PRKN: variants seen among roughly 807,000 people sequenced by gnomAD.
PRKN encodes the protein parkin RBR E3 ubiquitin protein ligase.
Under a neutral mutation model 59.5 loss-of-function variants are expected in PRKN, and 56 were observed. That is an observed-to-expected ratio of 0.94 (90% confidence interval 0.76 to 1.18). The LOEUF (loss-of-function observed/expected upper bound fraction) is 1.18, where lower values mean the gene tolerates loss of function less well. Among genes scored for constraint, PRKN ranks in the 50% most tolerant of loss-of-function variants. The pLI is 0.00. For synonymous variants in PRKN, 250 were observed against 222.1 expected (o/e 1.13, Z -1.12); for missense variants, 657 against 596.4 (o/e 1.10, Z -1.06).
intron 6 of PRKN, among the ~76,000 whole-genome samples, chr6:161,875,848 C>A (rs1028085555): frequency 6.6e-5 from 10 of 152,124 alleles, no homozygotes; most frequent in African/African-American, 2.4e-4. Flanking sequence ...CCTCCCCTCA[C>A]TGGCATCCCA....
intron 4 of PRKN, among the ~76,000 whole-genome samples, chr6:162,088,434 T>A (rs573294610): frequency 2.0e-5 from 3 of 152,204 alleles, no homozygotes; most frequent in Non-Finnish European, 4.4e-5. Context: ...GTCAATTTTC[T>A]AAGCTACTTG....
intron 2 of PRKN, among the ~76,000 whole-genome samples, chr6:162,435,864 T>A (rs899192183): frequency 6.6e-6 from 1 of 152,140 alleles, no homozygotes; most frequent in African/African-American, 2.4e-5. Flanking sequence ...CCTCCTTTTA[T>A]CTTATAATCA....
At chr6:162,127,325 T>C (rs1013376642) in intron 4 of PRKN, among the ~76,000 whole-genome samples, 11 of 152,184 alleles carry the variant, frequency 7.2e-5, no homozygotes, top group Non-Finnish European at 1.6e-4. Context: ...CAACTCAACT[T>C]TTGCTTTCCA....
chr6:161,970,418 T>TAC (rs1382435249), intron 6 of PRKN, among the ~76,000 whole-genome samples: 1 of 147,282 alleles, frequency 6.8e-6, no homozygotes, highest in African/African-American at 2.5e-5. Flanking sequence ...TATATATATA[T>TAC]ATACATACAC....
At chr6:162,408,268 T>C (rs6455822) in intron 2 of PRKN, among the ~76,000 whole-genome samples, 90,220 of 151,566 alleles carry the variant, frequency 0.6, 29,224 homozygotes, top group African/African-American at 0.86. Flanking sequence ...GCAAGTCTCC[T>C]CTAAAATTTC....
intron 7 of PRKN, among the ~76,000 whole-genome samples, chr6:161,785,462 G>A (rs990275423): frequency 2.6e-5 from 4 of 152,172 alleles, no homozygotes; most frequent in South Asian, 2.1e-4. Flanking sequence ...CTAGTTCCAC[G>A]GTAACAAATC....
intron 4 of PRKN, among the ~76,000 whole-genome samples, chr6:162,110,801 T>C (rs78274360): frequency 0.16 from 24,602 of 152,118 alleles, 2,418 homozygotes; most frequent in African/African-American, 0.28. Flanking sequence ...GCGTTCTGTG[T>C]TGCTGATGGG....
chr6:162,146,195 C>A (rs1782018684), intron 4 of PRKN, among the ~76,000 whole-genome samples: 1 of 152,120 alleles, frequency 6.6e-6, no homozygotes, highest in Non-Finnish European at 1.5e-5. Context: ...AGCCATCCAG[C>A]AAACATATGC....
intron 7 of PRKN, among the ~76,000 whole-genome samples, chr6:161,679,797 C>T (rs1412691151): frequency 1.5e-5 from 2 of 129,206 alleles, no homozygotes; most frequent in Non-Finnish European, 3.1e-5. Context: ...CTCTGTCACC[C>T]AGGCTGGAGT....
chr6:161,774,382 G>GCGCACACACA lies in PRKN; in HGVS notation c.871+11389_871+11390insTGTGTGTGCG, dbSNP rs71709903. 6.9e-4 allele frequency among the ~76,000 whole-genome samples: 91 copies of GCGCACACACA among 131,030 alleles called. 1 individual carries two copies. Among genetic ancestry groups the GCGCACACACA allele is most frequent in the Admixed American group, 1.2e-3 (15 of 12,782 alleles). The allele number at this position is 131,030 out of a possible 152,430, so 86.0% of individuals were successfully genotyped here. A position where few individuals can be genotyped will look rare whatever the true frequency, so the allele number is the denominator to read the frequency against. On this transcript the variant is annotated intron_variant, in intron 7 of 11. Coordinates refer to ENST00000366898, the MANE Select transcript of PRKN (RefSeq NM_004562.3). Reference sequence around the variant, plus strand: ...CTCCCCCATCCTTTCTACTCCCTGAGCACACACACACACACACACACACAC... The same window carrying GCGCACACACA: ...CTCCCCCATCCTTTCTACTCCCTGAGCGCACACACACACACACACACACACACACACACAC...
Position 161,845,850 on chromosome 6 carries a change from G to A in PRKN, c.735-59942C>T, listed in dbSNP as rs540318165. 3.9e-5 allele frequency among the ~76,000 whole-genome samples: 6 copies of A among 152,218 alleles called. No homozygotes were observed. In the South Asian group the frequency reaches 1.0e-3, roughly 26 times the overall value. On this transcript the variant is annotated intron_variant, in intron 6 of 11. Coordinates refer to ENST00000366898, the MANE Select transcript of PRKN (RefSeq NM_004562.3). ...GCTGCTGGTATTCACTGAGTCTGTC[G>A]CCACATCAACCTGGTGAAGGCTTGG...
intron 1 of PRKN, among the ~76,000 whole-genome samples, chr6:162,538,186 G>A (rs1778796246): frequency 6.6e-6 from 1 of 152,162 alleles, no homozygotes; most frequent in Non-Finnish European, 1.5e-5. Flanking sequence ...ATCACTTGAG[G>A]TCAGGAGTTT....
intron 2 of PRKN, among the ~76,000 whole-genome samples, chr6:162,441,146 T>G (rs1016412697): frequency 6.6e-6 from 1 of 152,070 alleles, no homozygotes; most frequent in African/African-American, 2.4e-5. Flanking sequence ...CGTACTCAGC[T>G]GGCATCAACT....
intron 4 of PRKN, among the ~76,000 whole-genome samples, chr6:162,142,290 T>TG (rs1340571004): frequency 3.3e-5 from 5 of 152,194 alleles, no homozygotes; most frequent in Non-Finnish European, 5.9e-5. Context: ...GCAGCACAGA[T>TG]GGCAGCCCAG....
intron 1 of PRKN, among the ~76,000 whole-genome samples, chr6:162,630,023 T>C (rs1783043899): frequency 1.3e-5 from 2 of 152,188 alleles, no homozygotes; most frequent in South Asian, 4.1e-4. Flanking sequence ...GCCAGGATTA[T>C]GACTGATTCA....
chr6:161,550,723 A>ATGTGTGTG lies in PRKN; in HGVS notation c.934-1728_934-1721dup, dbSNP rs543930062. 5.9e-5 allele frequency among the ~76,000 whole-genome samples: 7 copies of ATGTGTGTG among 119,350 alleles called. No individual in the cohort carries two copies. Among genetic ancestry groups the ATGTGTGTG allele is most frequent in the East Asian group, 2.2e-4 (1 of 4,524 alleles). The allele number at this position is 119,350 out of a possible 152,430, so 78.3% of individuals were successfully genotyped here. A position where few individuals can be genotyped will look rare whatever the true frequency, so the allele number is the denominator to read the frequency against. ...GGACAACTGTGGTAGAAGAAAGGGTATGTGTGTGTGTGCACGTGTGTGTGT... is the reference window on the plus strand; with the variant it reads ...GGACAACTGTGGTAGAAGAAAGGGTATGTGTGTGTGTGTGTGTGTGCACGTGTGTGTGT... On this transcript the variant is annotated intron_variant, in intron 8 of 11. Transcript: ENST00000366898. This position sits in a 1 kb window ranked among gnomAD's most constrained non-coding sequence, Gnocchi z 4.0.
intron 4 of PRKN, among the ~76,000 whole-genome samples, chr6:162,057,111 T>C (rs1176233731): frequency 1.3e-5 from 2 of 152,062 alleles, no homozygotes; most frequent in African/African-American, 4.8e-5. Context: ...GGATTGGTGA[T>C]CAAGGCAATG....
At position 161,487,562 on chromosome 6, in the gene PRKN, G is replaced by C. The variant is rs1777371624; in HGVS notation, c.1083+61292C>G. ...TTGTAGACCATCTTATTCACATTTT[G>C]ATGGTCGCTTAGGTAAACTAAGATC... On this transcript the variant is annotated intron_variant, in intron 9 of 11. Transcript: ENST00000366898. The surrounding 1 kb of genome is among the most constrained non-coding windows in gnomAD (Gnocchi z 5.3). 6.6e-6 allele frequency among the ~76,000 whole-genome samples: 1 copy of C among 152,196 alleles called. No homozygotes were observed. Among genetic ancestry groups the C allele is most frequent in the Non-Finnish European group, 1.5e-5 (1 of 68,042 alleles).
At chr6:162,402,298 T>C (rs1787836035) in intron 2 of PRKN, among the ~76,000 whole-genome samples, 1 of 151,358 alleles carries the variant, frequency 6.6e-6, no homozygotes, top group Admixed American at 6.6e-5. Context: ...CGATAAGCAG[T>C]ATTATTCCAG....
Sources: allele counts gnomAD v4.1 joint callset (sites outside exome capture counted in the v4.1 genomes callset), GRCh38; gene constraint gnomAD v4.1.1; non-coding constraint Gnocchi (gnomAD v3.1); transcripts MANE v1.5; gene names NCBI Gene and HGNC (gene_info 2026-07-23, HGNC 2026-07-21).